SPATA1: variants seen among roughly 807,000 people sequenced by gnomAD.
The protein encoded by SPATA1 is spermatogenesis-associated protein 1.
A neutral mutation model predicts 59.6 loss-of-function variants in SPATA1; 57 were observed. That is an observed-to-expected ratio of 0.96 (90% CI 0.77 to 1.19). The LOEUF (loss-of-function observed/expected upper bound fraction) is 1.19. SPATA1 is among the 50% of genes most tolerant of loss of function. The pLI is 0.00. For synonymous variants in SPATA1, 147 were observed against 163.9 expected, an observed-to-expected ratio of 0.90 and a Z score of 0.79; for missense variants, 448 against 480.7, an observed-to-expected ratio of 0.93 and a Z score of 0.64.
intron 6 of SPATA1, among the ~76,000 whole-genome samples, chr1:84,529,796 T>G (rs1000497511): frequency 1.2e-4 from 18 of 151,786 alleles, no homozygotes; most frequent in African/African-American, 4.1e-4. Flanking sequence ...TCCACCCGCC[T>G]CGGCCTCCCA....
intron 4 of SPATA1, among the ~76,000 whole-genome samples, chr1:84,559,623 G>GA (rs1439301422): frequency 4.6e-5 from 7 of 150,544 alleles, no homozygotes; most frequent in African/African-American, 9.8e-5. Context: ...CTCCATCTCA[G>GA]AAAAAAAAGA....
exon 2 of SPATA1, chr1:84,516,382 C>A: frequency 6.6e-7 from 1 of 1,507,322 alleles, no homozygotes; most frequent in East Asian, 2.5e-5. Flanking sequence ...CCAAGTCGAC[C>A]TTCCTCATCA....
At chr1:84,544,138 C>T (rs1013729772) in intron 8 of SPATA1, 64 bp from the exon 9 acceptor site, 44 of 1,078,824 alleles carry the variant, frequency 4.1e-5, no homozygotes, top group Non-Finnish European at 5.8e-5. Context: ...CAAATACCTA[C>T]GGGCAAGTGA....
chr1:84,511,655 C>CT (rs771793030), intron 1 of SPATA1, among the ~76,000 whole-genome samples: 1,230 of 81,074 alleles, frequency 0.015, 73 homozygotes, highest in African/African-American at 0.022. Flanking sequence ...GCATTTCAGG[C>CT]TTTTTTTTTT....
At chr1:84,525,662 A>C (rs1001924893) in intron 4 of SPATA1, 34 bp from the exon 5 acceptor site, 1 of 1,542,366 alleles carries the variant, frequency 6.5e-7, no homozygotes, top group Non-Finnish European at 8.7e-7. Context: ...AATGTAGCAA[A>C]AGCTTTAATT....
At chr1:84,534,080 A>G (rs1683581151) in intron 8 of SPATA1, among the ~76,000 whole-genome samples, 1 of 152,078 alleles carries the variant, frequency 6.6e-6, no homozygotes, top group Admixed American at 6.5e-5. Flanking sequence ...ATATACTAAT[A>G]CCTGTACTTG....
chr1:84,567,239 A>G (rs1684718487), downstream of SPATA1, among the ~76,000 whole-genome samples: 1 of 152,238 alleles, frequency 6.6e-6, no homozygotes, highest in Admixed American at 6.5e-5. Context: ...TTTGCTCAGT[A>G]GTTTTCCAAC....
chr1:84,535,958 G>A (rs565521016), intron 8 of SPATA1, among the ~76,000 whole-genome samples: 1 of 152,138 alleles, frequency 6.6e-6, no homozygotes, highest in Non-Finnish European at 1.5e-5. Flanking sequence ...ACCAGACCTA[G>A]AACCTGCTCC....
exon 10 of SPATA1, chr1:84,545,665 A>G (rs770636794): frequency 1.3e-6 from 2 of 1,524,796 alleles, no homozygotes; most frequent in South Asian, 2.7e-5. Context: ...TGAAACAAGT[A>G]AAGGAAGAAA....
chr1:84,548,580 A>C (rs1043360481), intron 10 of SPATA1, among the ~76,000 whole-genome samples: 5 of 148,060 alleles, frequency 3.4e-5, no homozygotes, highest in African/African-American at 7.3e-5. Context: ...ATATTTCTAT[A>C]CAAGTTCTCT....
intron 12 of SPATA1, chr1:84,550,880 T>C (rs1684250411): frequency 2.4e-5 from 24 of 984,252 alleles, no homozygotes; most frequent in Non-Finnish European, 2.7e-5. Flanking sequence ...TCCTCTGAAC[T>C]GACATTTAAT....
chr1:84,543,579 CAG>C (rs1430770495), intron 8 of SPATA1, among the ~76,000 whole-genome samples: 2 of 152,084 alleles, frequency 1.3e-5, no homozygotes, highest in Admixed American at 6.6e-5. Flanking sequence ...AACTCACTAT[CAG>C]GGGAACAGTA....
chr1:84,526,773 C>A (rs1190114947), intron 6 of SPATA1, among the ~76,000 whole-genome samples: 1 of 147,830 alleles, frequency 6.8e-6, no homozygotes, highest in Non-Finnish European at 1.5e-5. Context: ...GAGACTGAAG[C>A]AGGAGGATTG....
chr1:84,535,947 G>A (rs1683660558), intron 8 of SPATA1, among the ~76,000 whole-genome samples: 2 of 152,242 alleles, frequency 1.3e-5, no homozygotes, highest in South Asian at 4.1e-4. Flanking sequence ...CATTTTAGGA[G>A]ACCAGACCTA....
At chr1:84,516,364 C>T (rs372587759) in exon 2 of SPATA1, 126 of 1,521,760 alleles carry the variant, frequency 8.3e-5, no homozygotes, top group Non-Finnish European at 1.1e-4. Context: ...GTGAATATGT[C>T]ACTCAATCCA....
At chr1:84,541,464 C>CTTTTTTTTTTTTTTTTT (rs1266309414) in intron 8 of SPATA1, among the ~76,000 whole-genome samples, 1 of 151,614 alleles carries the variant, frequency 6.6e-6, no homozygotes, top group Non-Finnish European at 1.5e-5. Context: ...GTTTTTCTTA[C>CTTTTTTTTTTTTTTTTT]TATATTTTTG....
chr1:84,533,544 G>C (rs11164000), intron 7 of SPATA1, among the ~76,000 whole-genome samples, 165 bp from the exon 8 acceptor site: 29,158 of 151,826 alleles, frequency 0.19, 2,969 homozygotes, highest in South Asian at 0.3. Context: ...GCTTTACATG[G>C]ATTACTAATG....
chr1:84,558,259 C>G (rs1000251317), downstream of SPATA1, among the ~76,000 whole-genome samples: 12 of 151,786 alleles, frequency 7.9e-5, no homozygotes, highest in African/African-American at 2.9e-4. Context: ...ATCTTCTACA[C>G]CATAAATACA....
intron 1 of SPATA1, among the ~76,000 whole-genome samples, chr1:84,512,725 A>C (rs1682626160): frequency 6.6e-6 from 1 of 152,246 alleles, no homozygotes; most frequent in Non-Finnish European, 1.5e-5. Flanking sequence ...ACTCCTTCTC[A>C]AACCCATAGT....
Sources: allele counts gnomAD v4.1 joint callset (sites outside exome capture counted in the v4.1 genomes callset), GRCh38; gene constraint gnomAD v4.1.1; transcripts MANE v1.5; gene names NCBI Gene and HGNC (gene_info 2026-07-23, HGNC 2026-07-21).